DLG2: variants seen among roughly 807,000 people sequenced by gnomAD.
DLG2 encodes discs large MAGUK scaffold protein 2.
DLG2 carries 45 observed loss-of-function variants against 132.5 expected under a neutral mutation model. The observed-to-expected ratio is 0.34, with a 90% CI of 0.27 to 0.44. DLG2 has a LOEUF of 0.44. DLG2 is among the 20% of genes least tolerant of loss of function. The pLI is 1.00. For missense variants in DLG2, 1,045 were observed against 1,196.9 expected, an observed-to-expected ratio of 0.87 and a Z score of 1.87; for synonymous variants, 424 against 419.6, an observed-to-expected ratio of 1.01 and a Z score of -0.13.
chr11:85,236,265 G>T (rs969886996), intron 4 of DLG2, among the ~76,000 whole-genome samples: 1 of 152,000 alleles, frequency 6.6e-6, no homozygotes, highest in Non-Finnish European at 1.5e-5. Context: ...CTAATAGTTT[G>T]CCAGGACTTC....
chr11:83,976,578 T>C (rs1320735720), intron 12 of DLG2, among the ~76,000 whole-genome samples: 1 of 151,908 alleles, frequency 6.6e-6, no homozygotes, highest in Admixed American at 6.6e-5. Flanking sequence ...ATAATTGGTC[T>C]TTTAGGGTGG....
At chr11:83,957,754 A>G (rs2087289167) in intron 14 of DLG2, among the ~76,000 whole-genome samples, 3 of 152,096 alleles carry the variant, frequency 2.0e-5, no homozygotes, top group Admixed American at 2.0e-4. Context: ...ACTGGACTTT[A>G]TGTTGCAGGA....
At chr11:84,163,832 A>T (rs1302589815) in intron 8 of DLG2, among the ~76,000 whole-genome samples, 1 of 152,176 alleles carries the variant, frequency 6.6e-6, no homozygotes, top group Non-Finnish European at 1.5e-5. Context: ...GCAATGATAC[A>T]ATTATGAGGA....
intron 2 of DLG2, among the ~76,000 whole-genome samples, chr11:85,606,666 C>T (rs1223664333): frequency 6.6e-6 from 1 of 152,172 alleles, no homozygotes; most frequent in South Asian, 2.1e-4. Context: ...TCGCTCTTCA[C>T]AATAAATCTT....
chr11:84,846,578 G>A (rs2081506299), intron 6 of DLG2, among the ~76,000 whole-genome samples: 1 of 152,084 alleles, frequency 6.6e-6, no homozygotes, highest in African/African-American at 2.4e-5. Context: ...TCTCTCCCTA[G>A]CAATCACAGT....
chr11:83,704,908 T>A (rs2083640618), intron 18 of DLG2, among the ~76,000 whole-genome samples: 1 of 152,192 alleles, frequency 6.6e-6, no homozygotes. Context: ...TTATTCAGAC[T>A]AAACTTCCGG....
intron 3 of DLG2, among the ~76,000 whole-genome samples, chr11:85,542,783 CA>C (rs1459450531): frequency 6.6e-6 from 1 of 152,082 alleles, no homozygotes; most frequent in Admixed American, 6.5e-5. Context: ...ATTAATGTTT[CA>C]AAAAGTAAAA....
rs2099124905 is a variant in DLG2 at position 84,477,469 on chromosome 11, TG to T, written c.519+57100del. ...AATTTTGTGTCATTGTACTCCAACC[TG>T]GGCAACAAGAGAGAAAATCTGTCTC... On this transcript the variant is annotated intron_variant, in intron 7 of 27. Coordinates refer to ENST00000376104, the MANE Select transcript of DLG2 (RefSeq NM_001142699.3). Among the ~76,000 whole-genome samples the T allele has an allele frequency of 3.3e-5, 5 of 152,182 alleles. No individual in the cohort carries two copies. In the South Asian group the frequency reaches 1.0e-3, roughly 32 times the overall value.
intron 6 of DLG2, among the ~76,000 whole-genome samples, chr11:84,975,657 T>C (rs2054795631): frequency 6.6e-6 from 1 of 151,992 alleles, no homozygotes; most frequent in Non-Finnish European, 1.5e-5. Context: ...TTGTTATTCA[T>C]CAACACAATC....
In DLG2 at chr11:84,241,079, C is replaced by T. The variant is rs867428103; in HGVS notation, c.573+10159G>A. Among the ~76,000 whole-genome samples, 66 of 152,322 alleles carry T rather than the reference C, an allele frequency of 4.3e-4. 1 individual carries two copies. Among genetic ancestry groups the T allele is most frequent in the African/African-American group, 1.4e-3 (58 of 41,570 alleles). ...TTGCACTTCCCTCTTCTTGGAATGC[C>T]TTTTACCTACTTTGCCTAGAAATGT... On this transcript the variant is annotated intron_variant, in intron 8 of 27. Coordinates refer to ENST00000376104, the MANE Select transcript of DLG2 (RefSeq NM_001142699.3).
At chr11:83,730,884 G>T (rs1209972177) in intron 18 of DLG2, among the ~76,000 whole-genome samples, 5 of 152,020 alleles carry the variant, frequency 3.3e-5, no homozygotes, top group African/African-American at 7.2e-5. Flanking sequence ...AACCTATAGG[G>T]GTCATTCTTC....
chr11:85,426,203 C>T (rs2090718891), intron 3 of DLG2, among the ~76,000 whole-genome samples: 1 of 152,146 alleles, frequency 6.6e-6, no homozygotes, highest in African/African-American at 2.4e-5. Flanking sequence ...TAGACTCTAC[C>T]TCTGGGGGCA....
intron 6 of DLG2, among the ~76,000 whole-genome samples, chr11:84,773,436 T>A (rs1375223907): frequency 6.6e-6 from 1 of 152,088 alleles, no homozygotes; most frequent in Non-Finnish European, 1.5e-5. Flanking sequence ...GCCAGCATCA[T>A]CCTGCTACCA....
intron 19 of DLG2, among the ~76,000 whole-genome samples, chr11:83,557,492 G>C (rs1023673994): frequency 2.0e-5 from 3 of 152,182 alleles, no homozygotes; most frequent in Non-Finnish European, 4.4e-5. Context: ...AATTTTAGCA[G>C]GGATATTTGA....
chr11:85,519,832 T>C (rs561333730), intron 3 of DLG2, among the ~76,000 whole-genome samples: 18 of 152,236 alleles, frequency 1.2e-4, no homozygotes, highest in South Asian at 8.3e-4. Context: ...TCATGAGACC[T>C]GATGGTTATT....
At chr11:85,446,782 G>A (rs2092027991) in intron 3 of DLG2, among the ~76,000 whole-genome samples, 1 of 149,132 alleles carries the variant, frequency 6.7e-6, no homozygotes, top group Non-Finnish European at 1.5e-5. Context: ...CAGTTTGAAG[G>A]GATATAGTAT....
chr11:84,528,061 A>G (rs1459151002), intron 7 of DLG2, among the ~76,000 whole-genome samples: 2 of 152,186 alleles, frequency 1.3e-5, no homozygotes, highest in African/African-American at 4.8e-5. Context: ...AATCAAGAGA[A>G]TAATCTAGGT....
chr11:84,641,479 C>T (rs1367814006), intron 6 of DLG2, among the ~76,000 whole-genome samples: 3 of 152,136 alleles, frequency 2.0e-5, no homozygotes, highest in Admixed American at 6.5e-5. Flanking sequence ...TGAATCCATC[C>T]TTAAAACAAG....
At chr11:85,397,273 A>C (rs1314289925) in intron 3 of DLG2, among the ~76,000 whole-genome samples, 2 of 152,226 alleles carry the variant, frequency 1.3e-5, no homozygotes, top group African/African-American at 4.8e-5. Context: ...GAGCTACTGA[A>C]GGAAGCACCA....
Sources: gnomAD v4.1 joint callset for allele counts (sites outside exome capture counted in the v4.1 genomes callset) on GRCh38, gnomAD v4.1.1 for gene constraint, MANE v1.5 for transcripts, NCBI Gene and HGNC (gene_info 2026-07-23, HGNC 2026-07-21) for gene names.